RAD51B: variants seen among roughly 807,000 people sequenced by gnomAD.
RAD51B encodes the protein DNA repair protein RAD51 homolog 2.
A neutral mutation model predicts 42.2 loss-of-function variants in RAD51B; 38 were observed. The ratio of observed to expected loss-of-function variants is 0.90; its 90% CI spans 0.70 to 1.18. RAD51B has a LOEUF of 1.18. Ranked by LOEUF, RAD51B falls within the 50% of genes most tolerant of loss-of-function variation. The pLI is 0.00. For missense variants in RAD51B, 373 were observed against 400.7 expected (o/e 0.93, Z 0.59); for synonymous variants, 154 against 145.2 (o/e 1.06, Z -0.43).
intron 7 of RAD51B, among the ~76,000 whole-genome samples, chr14:67,888,492 C>A (rs1219413015): frequency 2.0e-5 from 3 of 152,062 alleles, no homozygotes; most frequent in Admixed American, 6.6e-5. Flanking sequence ...ACTCAAGAGG[C>A]TGAGGTGGGA....
chr14:67,881,347 T>A (rs1472443324), intron 5 of RAD51B, among the ~76,000 whole-genome samples: 1 of 152,200 alleles, frequency 6.6e-6, no homozygotes, highest in Admixed American at 6.5e-5. Flanking sequence ...AAACCCGAAC[T>A]GTTCTCACCC....
intron 10 of RAD51B, among the ~76,000 whole-genome samples, chr14:68,631,981 T>C (rs1319656216): frequency 1.3e-5 from 2 of 152,300 alleles, no homozygotes; most frequent in Admixed American, 1.3e-4. Flanking sequence ...GTTTACTGAG[T>C]GAAGCAGGCC....
At chr14:67,893,529 G>T (rs988793869) in intron 7 of RAD51B, among the ~76,000 whole-genome samples, 2 of 144,940 alleles carry the variant, frequency 1.4e-5, no homozygotes, top group Non-Finnish European at 3.0e-5. Flanking sequence ...CAATTAGCTG[G>T]GTGTGGTGCT....
rs569551347 is a variant in RAD51B, at chr14:68,426,876, G to C, written c.957+15349G>C. On this transcript the variant is annotated intron_variant, in intron 9 of 10. Coordinates refer to ENST00000471583, the MANE Select transcript of RAD51B (RefSeq NM_133510.4). Reference sequence around the variant, plus strand: ...ACAATCCCGGAGCTCTAGGAGGGCAGATGGTTTCCAGGGACAGACCCAGGG... The same window carrying C: ...ACAATCCCGGAGCTCTAGGAGGGCACATGGTTTCCAGGGACAGACCCAGGG... Among the ~76,000 whole-genome samples, 4 of 152,296 alleles carry C rather than the reference G, an allele frequency of 2.6e-5. No individual in the cohort carries two copies. In the East Asian group the frequency reaches 7.7e-4, roughly 29 times the overall value.
intron 7 of RAD51B, among the ~76,000 whole-genome samples, chr14:68,188,132 A>G (rs1355695362): frequency 2.6e-5 from 4 of 151,788 alleles, no homozygotes; most frequent in African/African-American, 9.7e-5. Context: ...ATTTTATAAA[A>G]CCCTTTGTAA....
chr14:68,176,492 C>T (rs1198670304), intron 7 of RAD51B, among the ~76,000 whole-genome samples: 1 of 152,080 alleles, frequency 6.6e-6, no homozygotes, highest in African/African-American at 2.4e-5. Flanking sequence ...TCAGCTTTAC[C>T]AGCGACTTCA....
chr14:68,380,784 A>G (rs1308027736), intron 8 of RAD51B, among the ~76,000 whole-genome samples: 1 of 152,228 alleles, frequency 6.6e-6, no homozygotes, highest in Non-Finnish European at 1.5e-5. Flanking sequence ...AGCTTAGAAC[A>G]TGTGGATTGC....
At chr14:68,475,243 G>A (rs1882467270) in intron 10 of RAD51B, among the ~76,000 whole-genome samples, 2 of 152,048 alleles carry the variant, frequency 1.3e-5, no homozygotes, top group East Asian at 1.9e-4. Context: ...GCTAAATTTC[G>A]GGATTTCTGT....
intron 10 of RAD51B, chr14:68,540,294 G>A: frequency 1.9e-6 from 2 of 1,033,734 alleles, no homozygotes; most frequent in African/African-American, 3.4e-5. Flanking sequence ...GGACTCTACT[G>A]CAGACCACAC....
intron 10 of RAD51B, chr14:68,497,082 T>C: frequency 7.4e-7 from 1 of 1,351,088 alleles, no homozygotes; most frequent in Non-Finnish European, 9.9e-7. Context: ...TCAACATCTT[T>C]TTCTAGGTAT....
At chr14:68,419,931 G>A (rs193220835) in intron 9 of RAD51B, among the ~76,000 whole-genome samples, 6 of 152,276 alleles carry the variant, frequency 3.9e-5, no homozygotes, top group East Asian at 3.9e-4. Context: ...TGCACCAGGT[G>A]ATACTAATTT....
At chr14:68,548,053 C>T (rs1368231836) in intron 10 of RAD51B, among the ~76,000 whole-genome samples, 1 of 152,192 alleles carries the variant, frequency 6.6e-6, no homozygotes, top group African/African-American at 2.4e-5. Flanking sequence ...GTGGGTTCCT[C>T]CTGGAGAGTT....
rs79583458 is a variant in RAD51B, at chr14:68,274,121, C to A, written c.757-17763C>A. On this transcript the variant is annotated intron_variant, in intron 7 of 10. Coordinates refer to ENST00000471583, the MANE Select transcript of RAD51B (RefSeq NM_133510.4). ...ATTTCTAACTGATATGCTTGAATTG[C>A]TGTTTCTTAATTTTTCTATTTTAGA... Among the ~76,000 whole-genome samples, 1,514 of 152,176 alleles carry A rather than the reference C, an allele frequency of 9.9e-3. 18 individuals are homozygous for A. Among genetic ancestry groups the A allele is most frequent in the African/African-American group, 0.033 (1,362 of 41,498 alleles).
chr14:67,913,057 C>T (rs1361970484), intron 7 of RAD51B, among the ~76,000 whole-genome samples: 1 of 152,094 alleles, frequency 6.6e-6, no homozygotes. Flanking sequence ...TTAATAGTAT[C>T]GTAAGTTTTT....
chr14:68,557,435 C>G (rs1888910420), intron 10 of RAD51B, among the ~76,000 whole-genome samples: 1 of 152,172 alleles, frequency 6.6e-6, no homozygotes, highest in African/African-American at 2.4e-5. Context: ...AAGTTTCACA[C>G]CATCATAAAG....
At chr14:67,984,653 A>G (rs959928378) in intron 7 of RAD51B, among the ~76,000 whole-genome samples, 1 of 152,164 alleles carries the variant, frequency 6.6e-6, no homozygotes, top group Non-Finnish European at 1.5e-5. Flanking sequence ...AGAATGCTTC[A>G]GGTACCACAT....
intron 7 of RAD51B, among the ~76,000 whole-genome samples, chr14:68,039,837 G>A (rs1004441029): frequency 5.9e-5 from 9 of 152,230 alleles, no homozygotes; most frequent in Non-Finnish European, 1.2e-4. Context: ...AAATTCAGCT[G>A]TAAAGTGTTT....
chr14:67,825,365 C>A, intron 2 of RAD51B, 99 bp from the exon 3 acceptor site: 1 of 707,112 alleles, frequency 1.4e-6, no homozygotes, highest in Non-Finnish European at 2.3e-6. Flanking sequence ...ATAAATTATA[C>A]TTTTGTCTAC....
intron 8 of RAD51B, among the ~76,000 whole-genome samples, chr14:68,326,038 C>CTTTTTTT (rs763428544): frequency 1.1e-4 from 9 of 80,470 alleles, no homozygotes; most frequent in East Asian, 3.1e-4. Flanking sequence ...TTTTTCTTTT[C>CTTTTTTT]TTTTTTTTTT....
Sources: allele counts gnomAD v4.1 joint callset (sites outside exome capture counted in the v4.1 genomes callset), GRCh38; gene constraint gnomAD v4.1.1; transcripts MANE v1.5; gene names NCBI Gene and HGNC (gene_info 2026-07-23, HGNC 2026-07-21).